NFRKB: variants seen among roughly 807,000 people sequenced by gnomAD.
The protein encoded by NFRKB is nuclear factor related to kappa-B-binding protein.
NFRKB carries 62 observed loss-of-function variants against 135.7 expected under a neutral mutation model. The ratio of observed to expected loss-of-function variants is 0.46; its 90% CI spans 0.37 to 0.56. The LOEUF (loss-of-function observed/expected upper bound fraction) is 0.56, where lower values mean the gene tolerates loss of function less well. NFRKB is among the 20% of genes least tolerant of loss of function. The pLI, the probability that NFRKB is intolerant of heterozygous loss-of-function variation, is 0.00. For synonymous variants in NFRKB, 678 were observed against 635.6 expected, an observed-to-expected ratio of 1.07 and a Z score of -1.00; for missense variants, 1,545 against 1,662.0, an observed-to-expected ratio of 0.93 and a Z score of 1.22.
chr11:129,864,853 G>C lies in NFRKB; in HGVS notation c.3775-3C>G. 6.2e-7 allele frequency: 1 copy of C among 1,614,168 alleles called. No homozygotes were observed. The highest frequency in any genetic ancestry group is 8.5e-7 in the Non-Finnish European group (1 of 1,179,992). On this transcript the variant is annotated splice_polypyrimidine_tract_variant and splice_region_variant and intron_variant, in intron 26 of 26. Coordinates refer to ENST00000682444, the MANE Select transcript of NFRKB (RefSeq NM_001143835.2). The stretch of plus-strand genomic sequence containing the variant: ...GCAGGGACAGTCTGGATGCGCACCT[G>C]TTTGCAAAGACAGAAGGTCAGGTCA...
intron 24 of NFRKB, among the ~76,000 whole-genome samples, chr11:129,868,758 G>A (rs780719243): frequency 2.0e-5 from 3 of 152,210 alleles, no homozygotes; most frequent in Non-Finnish European, 4.4e-5. Context: ...GCCGTGGGCG[G>A]TGACTCACGC....
In NFRKB at chr11:129,871,821, C is replaced by T. The variant is rs115390095; in HGVS notation, c.2763+1063G>A. Among the ~76,000 whole-genome samples, 437 of 152,308 alleles carry T rather than the reference C, an allele frequency of 2.9e-3. 1 individual carries two copies. The highest frequency in any genetic ancestry group is 0.01 in the African/African-American group (418 of 41,568). ...TTTAAATGTAAACCAGATCAAGTCACCCTTGCTCACCATCTTCCAGTGGTT... is the reference window on the plus strand; with the variant it reads ...TTTAAATGTAAACCAGATCAAGTCATCCTTGCTCACCATCTTCCAGTGGTT... On this transcript the variant is annotated intron_variant, in intron 23 of 26. Transcript: ENST00000682444.
At chr11:129,866,677 G>C (rs1169877175) in intron 24 of NFRKB, among the ~76,000 whole-genome samples, 1 of 152,190 alleles carries the variant, frequency 6.6e-6, no homozygotes, top group Non-Finnish European at 1.5e-5. Context: ...GGGACTTCAG[G>C]ATGGTTAAGA....
chr11:129,875,589 G>C (rs764990973), intron 17 of NFRKB, 126 bp from the exon 18 acceptor site: 1 of 635,956 alleles, frequency 1.6e-6, no homozygotes, highest in African/African-American at 1.8e-5. Flanking sequence ...CCCTGATGCC[G>C]GATTAGGTGC....
In NFRKB at chr11:129,883,286, A is replaced by G. The variant is rs1949117553; in HGVS notation, c.817-80T>C. The G allele has an allele frequency of 1.0e-5, 10 of 979,658 alleles. No individual in the cohort carries two copies. In the South Asian group the frequency reaches 1.3e-4, roughly 13 times the overall value. The allele number at this position is 979,658 out of a possible 1,614,324, so 60.7% of individuals were successfully genotyped here. A position where few individuals can be genotyped will look rare whatever the true frequency, so the allele number is the denominator to read the frequency against. On this transcript the variant is annotated intron_variant, in intron 8 of 26. Coordinates refer to ENST00000682444, the MANE Select transcript of NFRKB (RefSeq NM_001143835.2). ...AGGTGACTTTGCCAATTTATGTAAC[A>G]ATTAGATGTTAGGTACACTTGGGGA... is the stretch of plus-strand genomic sequence containing the variant.
At chr11:129,877,235 C>A (rs1002055994) in intron 16 of NFRKB, 90 bp downstream of exon 16, 5 of 1,321,448 alleles carry the variant, frequency 3.8e-6, no homozygotes, top group East Asian at 4.6e-5. Context: ...GAGTTTCTTG[C>A]AAGAAGGTAG....
At chr11:129,865,820 G>T in intron 25 of NFRKB, 57 bp downstream of exon 25, 3 of 1,518,018 alleles carry the variant, frequency 2.0e-6, no homozygotes, top group Non-Finnish European at 1.8e-6. Context: ...GGACTGGTAA[G>T]CCCTGCCTGC....
intron 22 of NFRKB, 41 bp from the exon 23 acceptor site, chr11:129,873,137 A>C (rs1034535093): frequency 6.7e-7 from 1 of 1,503,418 alleles, no homozygotes; most frequent in Non-Finnish European, 9.0e-7. Flanking sequence ...TTAGACTCTA[A>C]GATGCAGACC....
intron 3 of NFRKB, among the ~76,000 whole-genome samples, chr11:129,890,502 GGTGGCTTTCA>G (rs1949509118): frequency 6.6e-6 from 1 of 152,136 alleles, no homozygotes; most frequent in African/African-American, 2.4e-5. Flanking sequence ...ACAGCACACT[GGTGGCTTTCA>G]TTTTATCCAT....
At chr11:129,885,259 C>A (rs1949219198) in intron 6 of NFRKB, among the ~76,000 whole-genome samples, 176 bp downstream of exon 6, 1 of 152,204 alleles carries the variant, frequency 6.6e-6, no homozygotes, top group Admixed American at 6.5e-5. Flanking sequence ...CATCTGATGG[C>A]AATGTCTCAG....
At position 129,865,211 on chromosome 11, in the gene NFRKB, C is replaced by T. The variant is rs1948135034; in HGVS notation, c.3639-110G>A. 9 of 1,329,698 alleles carry T rather than the reference C, an allele frequency of 6.8e-6. 1 individual carries two copies. The South Asian group carries it at 1.1e-4, about 17-fold the overall frequency. 82.4% of individuals were successfully genotyped at this position (1,329,698 alleles called of 1,614,324 possible). On this transcript the variant is annotated intron_variant, in intron 25 of 26. Coordinates refer to ENST00000682444, the MANE Select transcript of NFRKB (RefSeq NM_001143835.2). Reference sequence around the variant, plus strand: ...AGGGAGGTCTGTGCCAATGAAAATCCCAGCATTTCAGATTGAAATGGAAAC... The same window carrying T: ...AGGGAGGTCTGTGCCAATGAAAATCTCAGCATTTCAGATTGAAATGGAAAC...
rs1346757524 is a variant in NFRKB, at chr11:129,894,336, ACAC to A, written c.-22+20_-22+22del. On this transcript the variant is annotated intron_variant, in intron 2 of 26. Transcript: ENST00000682444. ...GAATTCCATATTCCACATTCCACAAACACCACATTCCACAAATCTTACCACGCC... is the reference window on the plus strand; with the variant it reads ...GAATTCCATATTCCACATTCCACAAACACATTCCACAAATCTTACCACGCC... 2 of 152,204 alleles carry A rather than the reference ACAC, an allele frequency of 1.3e-5. No individual in the cohort carries two copies. The highest frequency in any genetic ancestry group is 2.9e-5 in the Non-Finnish European group (2 of 68,028). The allele number at this position is 152,204 out of a possible 1,614,324, so 9.4% of individuals were successfully genotyped here.
chr11:129,892,894 G>A (rs766030615), intron 2 of NFRKB, 24 bp from the exon 3 acceptor site: 1 of 1,613,802 alleles, frequency 6.2e-7, no homozygotes, highest in Non-Finnish European at 8.5e-7. Flanking sequence ...TGCATCTTGA[G>A]ACAGAAAGGC....
Position 129,873,787 on chromosome 11 carries a change from G to A in NFRKB, c.2508C>T (p.Ile836=). Residue 836 remains isoleucine, a synonymous_variant, in exon 22 of 27, where the codon ATC becomes ATT. Coordinates refer to ENST00000682444, the MANE Select transcript of NFRKB (RefSeq NM_001143835.2). ...TCTGTGTGGCAGTGGCTGGAACCCGGATCTGCGGTCCTGCTGGCATCTGTG... is the reference window on the plus strand; with the variant it reads ...TCTGTGTGGCAGTGGCTGGAACCCGAATCTGCGGTCCTGCTGGCATCTGTG... ...TLPQMPAGPQ[I]RVPATATQTK... 6.2e-7 allele frequency: 1 copy of A among 1,614,160 alleles called. No homozygotes were observed. The highest frequency in any genetic ancestry group is 8.5e-7 in the Non-Finnish European group (1 of 1,180,020).
intron 11 of NFRKB, 88 bp from the exon 12 acceptor site, chr11:129,881,941 C>T: frequency 2.0e-6 from 3 of 1,518,934 alleles, no homozygotes; most frequent in Non-Finnish European, 2.7e-6. Flanking sequence ...GCAGTATATG[C>T]ATCCGGTGTT....
chr11:129,875,372 A>T lies in NFRKB; in HGVS notation c.1839T>A (p.Asp613Glu). Residue 613 changes from aspartate to glutamate, a missense_variant, in exon 18 of 27, where the codon GAT becomes GAA. Around this residue, in one of 3 missense-constraint regions of NFRKB, gnomAD observed 114 missense variants for 211.0 expected, o/e 0.54. Coordinates refer to ENST00000682444, the MANE Select transcript of NFRKB (RefSeq NM_001143835.2). The part of the protein sequence containing the change: ...LLKDSQFLAP[D>E]VTSTQVNTVV... ...TCCGTCCTACCTGAGTGCTGGTGAC[A>T]TCTGGTGCAAGAAACTGGGAGTCCT... 3 of 1,612,884 alleles carry T rather than the reference A, an allele frequency of 1.9e-6. No individual in the cohort carries two copies. Among genetic ancestry groups the T allele is most frequent in the Non-Finnish European group, 2.5e-6 (3 of 1,179,488 alleles).
At chr11:129,893,009 C>T (rs767122553) in intron 2 of NFRKB, 139 bp from the exon 3 acceptor site, 3 of 1,500,734 alleles carry the variant, frequency 2.0e-6, no homozygotes, top group Non-Finnish European at 2.7e-6. Context: ...AGCTAAACAG[C>T]TCTCCTCCCT....
intron 24 of NFRKB, among the ~76,000 whole-genome samples, chr11:129,867,609 G>A (rs983289364): frequency 5.3e-5 from 8 of 152,206 alleles, no homozygotes; most frequent in South Asian, 2.1e-4. Flanking sequence ...GAGACACTGC[G>A]CCTGACCAAC....
At position 129,892,836 on chromosome 11, in the gene NFRKB, T is replaced by C. The variant is rs772188825; in HGVS notation, c.14A>G (p.Asp5Gly). 8 of 1,614,102 alleles carry C rather than the reference T, an allele frequency of 5.0e-6. No homozygotes were observed. The South Asian group carries it at 8.8e-5, about 18-fold the overall frequency. ...TTCCAGAGGATCTGTCAGCATATGG[T>C]CTAAGGAATCCATTGTTTCTTCTCC... MDSL[D>G]HMLTDPLELG... Residue 5 changes from aspartate (D) to glycine (G), a missense_variant, in exon 3 of 27, where the codon GAC becomes GGC. Physicochemically the swap from Asp to Gly is moderately conservative, Grantham distance 94. Around this residue, in one of 3 missense-constraint regions of NFRKB, gnomAD observed 678 missense variants for 646.7 expected, o/e 1.05. Coordinates refer to ENST00000682444, the MANE Select transcript of NFRKB (RefSeq NM_001143835.2).
Sources: gnomAD v4.1 joint callset for allele counts (sites outside exome capture counted in the v4.1 genomes callset) on GRCh38, gnomAD v4.1.1 for gene constraint, gnomAD v4.1.1 regional missense constraint, MANE v1.5 for transcripts, NCBI Gene and HGNC (gene_info 2026-07-23, HGNC 2026-07-21) for gene names.